The following SEC31A variants were observed in gnomAD, a reference collection of about 807,000 sequenced individuals.
SEC31A encodes the protein SEC31 homolog A, COPII component, also known as protein transport protein Sec31A.
SEC31A carries 70 observed loss-of-function variants against 151.0 expected under a neutral mutation model. That is an observed-to-expected ratio of 0.46 (90% CI 0.38 to 0.57). The LOEUF is 0.57. SEC31A is among the 20% of genes least tolerant of loss of function. The pLI is 0.00. For synonymous variants in SEC31A, 475 were observed against 505.9 expected (o/e 0.94, Z 0.82); for missense variants, 1,330 against 1,471.2 (o/e 0.90, Z 1.57).
chr4:82,871,236 T>G, intron 7 of SEC31A: 2 of 1,214,514 alleles, frequency 1.6e-6, no homozygotes, highest in Non-Finnish European at 2.2e-6. Flanking sequence ...TATTCATGAT[T>G]AACGAAAAAA....
intron 1 of SEC31A, among the ~76,000 whole-genome samples, chr4:82,886,237 T>C (rs1235448031): frequency 6.6e-6 from 1 of 152,212 alleles, no homozygotes; most frequent in Non-Finnish European, 1.5e-5. Flanking sequence ...AAAGTGAGAT[T>C]AGGAGGCAGG....
At chr4:82,842,766 A>G (rs572877740) in intron 21 of SEC31A, 11 of 287,974 alleles carry the variant, frequency 3.8e-5, no homozygotes, top group African/African-American at 2.2e-4. Flanking sequence ...CTTTTCTGAG[A>G]CTTTTCCTGA....
intron 7 of SEC31A, chr4:82,871,363 T>G (rs1272137796): frequency 6.6e-7 from 1 of 1,522,878 alleles, no homozygotes; most frequent in Non-Finnish European, 8.8e-7. Flanking sequence ...AGTAAAATGT[T>G]TTACCTATGG....
chr4:82,865,698 C>T (rs1735218045), intron 10 of SEC31A, among the ~76,000 whole-genome samples: 1 of 151,882 alleles, frequency 6.6e-6, no homozygotes, highest in African/African-American at 2.4e-5. Flanking sequence ...AAGACAAGTA[C>T]TGCATGATTC....
intron 4 of SEC31A, 88 bp downstream of exon 4, chr4:82,878,642 A>G (rs1232060523): frequency 4.4e-6 from 5 of 1,124,916 alleles, no homozygotes; most frequent in East Asian, 4.7e-5. Context: ...TTAACTTTCA[A>G]TTCCAAAACT....
intron 14 of SEC31A, chr4:82,857,985 C>T (rs779295918): frequency 1.3e-5 from 5 of 385,396 alleles, no homozygotes; most frequent in Non-Finnish European, 2.4e-5. Flanking sequence ...ATGAAGAATA[C>T]TGGTTAAACA....
chr4:82,863,359 G>A lies in SEC31A; in HGVS notation c.1468C>T (p.Leu490Phe). The stretch of plus-strand genomic sequence containing the variant: ...TCTTTTCTGTATCCTAGAAGTTCAA[G>A]GTATTTTCCACGAGAATCATCCTCA... ...NFEDDSRGKY[L>F]ELLGYRKEDL... The change falls in exon 12 of 27, where the codon CTT (leucine) becomes TTT (phenylalanine). Residue 490 changes from leucine (L) to phenylalanine (F), a missense_variant. Leu to Phe is a conservative substitution (Grantham distance 22). Transcript: ENST00000395310. The A allele has an allele frequency of 6.3e-7, 1 of 1,578,150 alleles. No homozygotes were observed. Among genetic ancestry groups the A allele is most frequent in the Non-Finnish European group, 8.6e-7 (1 of 1,167,764 alleles).
intron 10 of SEC31A, among the ~76,000 whole-genome samples, chr4:82,864,941 A>AACT: frequency 6.6e-6 from 1 of 152,164 alleles, no homozygotes; most frequent in South Asian, 2.1e-4. Flanking sequence ...ATGCCTGGCT[A>AACT]ACTTTTGTAT....
chr4:82,888,027 C>T (rs1220914819), intron 1 of SEC31A, among the ~76,000 whole-genome samples: 4 of 146,210 alleles, frequency 2.7e-5, no homozygotes, highest in African/African-American at 1.0e-4. Context: ...GCCTGGGTGA[C>T]AGAGCAAGAC....
intron 10 of SEC31A, among the ~76,000 whole-genome samples, chr4:82,865,944 AATTTTATATTATGC>A (rs1454752470): frequency 6.6e-6 from 1 of 152,038 alleles, no homozygotes; most frequent in Non-Finnish European, 1.5e-5. Context: ...TAAGATAGTA[AATTTTATATTATGC>A]ATTTTTTACA....
chr4:82,883,068 C>T (rs144901060), intron 1 of SEC31A, among the ~76,000 whole-genome samples: 195 of 152,146 alleles, frequency 1.3e-3, no homozygotes, highest in African/African-American at 4.5e-3. Context: ...TACATTGAGC[C>T]GAGATCATGC....
At chr4:82,858,336 G>A (rs1733184663) in intron 14 of SEC31A, among the ~76,000 whole-genome samples, 1 of 151,520 alleles carries the variant, frequency 6.6e-6, no homozygotes, top group Non-Finnish European at 1.5e-5. Context: ...ACGAGGTCGG[G>A]AGATCGAGAC....
upstream of SEC31A, among the ~76,000 whole-genome samples, chr4:82,891,984 T>C (rs1290174975): frequency 6.6e-6 from 1 of 152,238 alleles, no homozygotes; most frequent in Non-Finnish European, 1.5e-5. Context: ...ACATCTAGCA[T>C]TCAAAGCCAA....
At chr4:82,820,745 C>A (rs1190836865) in intron 26 of SEC31A, among the ~76,000 whole-genome samples, 1 of 152,162 alleles carries the variant, frequency 6.6e-6, no homozygotes, top group Non-Finnish European at 1.5e-5. Flanking sequence ...ATAAAAGGAA[C>A]AGCAGAAGGT....
At position 82,875,732 on chromosome 4, in the gene SEC31A, T is replaced by C; in HGVS notation, c.493A>G (p.Thr165Ala). The C allele has an allele frequency of 6.3e-7, 1 of 1,578,588 alleles. No homozygotes were observed. Among genetic ancestry groups the C allele is most frequent in the Non-Finnish European group, 8.7e-7 (1 of 1,152,574 alleles). ...FATPMTPGAK[T>A]QPPEDISCIA... ...CAAAATCAATATAAAAATACCTGTG[T>C]TTTGGCTCCTGGTGTCATTGGGGTT... Residue 165 changes from threonine to alanine, a missense_variant, in exon 5 of 27, where the codon ACA (threonine) becomes GCA (alanine). By Grantham distance (58) the Thr-to-Ala change is moderately conservative. Coordinates refer to ENST00000395310, the MANE Select transcript of SEC31A (RefSeq NM_001077207.4).
chr4:82,867,290 T>A lies in SEC31A; in HGVS notation c.909A>T (p.Thr303=). ...GEVLYELPTN[T]QWCFDIQWCP... ...ACCACTGAATATCGAAGCACCACTG[T>A]GTGTTGGTGGGAAGTTCATATAACA... Residue 303 remains threonine, a synonymous_variant, in exon 9 of 27, where the codon ACA becomes ACT. Coordinates refer to ENST00000395310, the MANE Select transcript of SEC31A (RefSeq NM_001077207.4). The A allele has an allele frequency of 6.2e-7, 1 of 1,614,190 alleles. No homozygotes were observed. Among genetic ancestry groups the A allele is most frequent in the Non-Finnish European group, 8.5e-7 (1 of 1,180,024 alleles).
intron 2 of SEC31A, 126 bp downstream of exon 2, chr4:82,881,732 T>C (rs148524342): frequency 4.7e-5 from 33 of 704,460 alleles, no homozygotes; most frequent in Non-Finnish European, 7.4e-5. Flanking sequence ...ACTTGGCTGA[T>C]AGAATGTCAG....
chr4:82,830,114 AC>A (rs1725582298), intron 22 of SEC31A, among the ~76,000 whole-genome samples: 1 of 152,214 alleles, frequency 6.6e-6, no homozygotes, highest in Non-Finnish European at 1.5e-5. Context: ...AGTCACAGAA[AC>A]TTTAAAAAAT....
intron 14 of SEC31A, 88 bp downstream of exon 14, chr4:82,861,543 A>T: frequency 2.6e-6 from 2 of 758,630 alleles, no homozygotes; most frequent in Non-Finnish European, 4.4e-6. Context: ...ATTTTGCCAT[A>T]AGTAGTCAAG....
Sources: gnomAD v4.1 joint callset for allele counts (sites outside exome capture counted in the v4.1 genomes callset) on GRCh38, gnomAD v4.1.1 for gene constraint, MANE v1.5 for transcripts, NCBI Gene and HGNC (gene_info 2026-07-23, HGNC 2026-07-21) for gene names.